The following TERT variants were observed in gnomAD, a reference collection of about 807,000 sequenced individuals.
TERT encodes the protein telomerase catalytic subunit.
A neutral mutation model predicts 104.0 loss-of-function variants in TERT; 42 were observed. The ratio of observed to expected loss-of-function variants is 0.40; its 90% CI spans 0.32 to 0.52. The LOEUF (loss-of-function observed/expected upper bound fraction) is 0.52, where lower values mean the gene tolerates loss of function less well. TERT is among the 20% of genes least tolerant of loss of function. The pLI, the probability that TERT is intolerant of heterozygous loss-of-function variation, is 0.43. For synonymous variants in TERT, 781 were observed against 725.6 expected (o/e 1.08, Z -1.23); for missense variants, 1,101 against 1,610.3 (o/e 0.68, Z 5.41).
intron 12 of TERT, among the ~76,000 whole-genome samples, chr5:1,259,396 C>T (rs1477853310): frequency 9.0e-6 from 1 of 110,960 alleles, no homozygotes; most frequent in Non-Finnish European, 1.8e-5. Context: ...GGAGTGGATG[C>T]GGACGCCCAC....
rs7730303 is a variant in TERT, at chr5:1,265,549, C to T, written c.2654+915G>A. ...CTCAGTTGCTTGGGACCTGGGCTCCCCCCGAGTGAATCTTAGTGGATTTAA... is the reference window on the plus strand; with the variant it reads ...CTCAGTTGCTTGGGACCTGGGCTCCTCCCGAGTGAATCTTAGTGGATTTAA... On this transcript the variant is annotated intron_variant, in intron 10 of 15. Coordinates refer to ENST00000310581, the MANE Select transcript of TERT (RefSeq NM_198253.3). The surrounding 1 kb of genome is among the most constrained non-coding windows in gnomAD (Gnocchi z 6.9). 0.072 allele frequency among the ~76,000 whole-genome samples: 10,981 copies of T among 152,028 alleles called. 1,338 individuals are homozygous for T. Among genetic ancestry groups the T allele is most frequent in the African/African-American group, 0.25 (10,419 of 41,384 alleles).
rs1030649955 is a variant in TERT, at chr5:1,274,043, C to G, written c.2287-1763G>C. Among the ~76,000 whole-genome samples, 2 of 152,200 alleles carry G rather than the reference C, an allele frequency of 1.3e-5. No homozygotes were observed. Among genetic ancestry groups the G allele is most frequent in the African/African-American group, 4.8e-5 (2 of 41,450 alleles). The stretch of plus-strand genomic sequence containing the variant: ...TACTACGGGACCTGCTAAGCCCCTG[C>G]GTCCCCAAGACAGGATGTGAGCAGG... On this transcript the variant is annotated intron_variant, in intron 6 of 15. Coordinates refer to ENST00000310581, the MANE Select transcript of TERT (RefSeq NM_198253.3). This position sits in a 1 kb window ranked among gnomAD's most constrained non-coding sequence, Gnocchi z 5.3.
intron 9 of TERT, among the ~76,000 whole-genome samples, chr5:1,267,218 A>C (rs1748672648): frequency 6.6e-6 from 1 of 152,268 alleles, no homozygotes; most frequent in Non-Finnish European, 1.5e-5. Flanking sequence ...GAGTTTCAAA[A>C]GATGCACAGG....
At position 1,294,373 on chromosome 5, in the gene TERT, G is replaced by A. The variant is rs890346822; in HGVS notation, c.513C>T (p.Cys171=). 1 of 1,576,788 alleles carries A rather than the reference G, an allele frequency of 6.3e-7. No homozygotes were observed. The highest frequency in any genetic ancestry group is 8.6e-7 in the Non-Finnish European group (1 of 1,169,372). ...CGCCGAGCTGGTACAGCGGCGGCCC[G>A]CACACCTGGTAGGCGCAGCTGGGAG... The part of the protein sequence containing the change: ...LVAPSCAYQV[C]GPPLYQLGAA... Residue 171 remains cysteine (C), a synonymous_variant, in exon 2 of 16, where the codon TGC becomes TGT. Coordinates refer to ENST00000310581, the MANE Select transcript of TERT (RefSeq NM_198253.3).
At chr5:1,291,528 C>A (rs1458916940) in intron 2 of TERT, among the ~76,000 whole-genome samples, 9 of 78,568 alleles carry the variant, frequency 1.1e-4, no homozygotes, top group African/African-American at 1.1e-4. Flanking sequence ...CAGTGCCTCA[C>A]TCACCCTACA....
In TERT at chr5:1,286,032, T is replaced by C. The variant is rs1296889925; in HGVS notation, c.1574-3408A>G. ...GGCGCCACACCGCAGGTTTGCGCGA[T>C]TTCAAACTCGACACCGCGGAGCCAC... is the stretch of plus-strand genomic sequence containing the variant. On this transcript the variant is annotated intron_variant, in intron 2 of 15. Coordinates refer to ENST00000310581, the MANE Select transcript of TERT (RefSeq NM_198253.3). The surrounding 1 kb of genome is among the most constrained non-coding windows in gnomAD (Gnocchi z 5.3). 6.6e-6 allele frequency among the ~76,000 whole-genome samples: 1 copy of C among 152,030 alleles called. No homozygotes were observed. Among genetic ancestry groups the C allele is most frequent in the Non-Finnish European group, 1.5e-5 (1 of 68,004 alleles).
rs537898055 is a variant in TERT at position 1,253,573 on chromosome 5, C to G, written c.*155G>C. 41 of 675,888 alleles carry G rather than the reference C, an allele frequency of 6.1e-5. 1 individual carries two copies. The highest frequency in any genetic ancestry group is 7.8e-4 in the Middle Eastern group (2 of 2,548). 41.9% of individuals were successfully genotyped at this position (675,888 alleles called of 1,614,324 possible). A position where few individuals can be genotyped will look rare whatever the true frequency, so the allele number is the denominator to read the frequency against. ...CCTCAGCCGGACACTCAGCCTTCAG[C>G]CGGACATGCAGGCCTCGGCCAAACA... On this transcript the variant is annotated 3_prime_UTR_variant, in exon 16 of 16. Transcript: ENST00000310581.
intron 3 of TERT, 135 bp downstream of exon 3, chr5:1,282,294 G>A: frequency 1.1e-6 from 1 of 896,570 alleles, no homozygotes; most frequent in African/African-American, 1.6e-5. Flanking sequence ...GACCAGGCCT[G>A]TGACGGGGCC....
intron 9 of TERT, among the ~76,000 whole-genome samples, chr5:1,267,098 T>C (rs34194491): frequency 0.016 from 2,508 of 152,334 alleles, 27 homozygotes; most frequent in Non-Finnish European, 0.027. Context: ...CCAGAGCAAG[T>C]TGTGTGTACA....
rs1014277310 is a variant in TERT at position 1,286,206 on chromosome 5, A to G, written c.1574-3582T>C. Among the ~76,000 whole-genome samples the G allele has an allele frequency of 2.6e-5, 4 of 152,136 alleles. No individual in the cohort carries two copies. Among genetic ancestry groups the G allele is most frequent in the Admixed American group, 2.0e-4 (3 of 15,270 alleles). On this transcript the variant is annotated intron_variant, in intron 2 of 15. Coordinates refer to ENST00000310581, the MANE Select transcript of TERT (RefSeq NM_198253.3). The surrounding 1 kb of genome is among the most constrained non-coding windows in gnomAD (Gnocchi z 5.3). ...CCTCCTCGTGAGTCTCCACATCTTC[A>G]TCTGTGCATCATAAGCAGAGGTCCC... is the stretch of plus-strand genomic sequence containing the variant.
chr5:1,258,871 C>A (rs904298924), intron 12 of TERT, among the ~76,000 whole-genome samples: 1 of 152,260 alleles, frequency 6.6e-6, no homozygotes, highest in Non-Finnish European at 1.5e-5. Context: ...CTGCCTGCCC[C>A]CGAGGCTCGG....
chr5:1,285,726 C>T (rs998281582), intron 2 of TERT, among the ~76,000 whole-genome samples: 4 of 151,884 alleles, frequency 2.6e-5, no homozygotes, highest in Middle Eastern at 3.4e-3. Flanking sequence ...CCCGCCACCA[C>T]GCCCAGCTAA....
rs1409944901 is a variant in TERT, at chr5:1,256,058, T to C, written c.3033-647A>G. On this transcript the variant is annotated intron_variant, in intron 13 of 15. Coordinates refer to ENST00000310581, the MANE Select transcript of TERT (RefSeq NM_198253.3). This position sits in a 1 kb window ranked among gnomAD's most constrained non-coding sequence, Gnocchi z 7.0. ...TGGGCTCTCACTCTGTCACCCAGGCTGCAGTACAGTGGTGCAATCTCAGCT... is the reference window on the plus strand; with the variant it reads ...TGGGCTCTCACTCTGTCACCCAGGCCGCAGTACAGTGGTGCAATCTCAGCT... Among the ~76,000 whole-genome samples the C allele has an allele frequency of 6.6e-6, 1 of 152,150 alleles. No homozygotes were observed. The highest frequency in any genetic ancestry group is 1.5e-5 in the Non-Finnish European group (1 of 68,028).
chr5:1,272,083 C>A, intron 7 of TERT, 102 bp downstream of exon 7: 1 of 1,011,938 alleles, frequency 9.9e-7, no homozygotes, highest in South Asian at 1.4e-5. Context: ...CCCCCACTGC[C>A]CCCCAGGGCC....
intron 10 of TERT, 144 bp downstream of exon 10, chr5:1,266,320 C>A: frequency 1.2e-6 from 1 of 826,466 alleles, no homozygotes. Context: ...CGGCCAAGCG[C>A]CTCTGCTCTT....
At chr5:1,285,743 T>A (rs1750439861) in intron 2 of TERT, among the ~76,000 whole-genome samples, 1 of 151,904 alleles carries the variant, frequency 6.6e-6, no homozygotes, top group South Asian at 2.1e-4. Flanking sequence ...CTAATTTTTG[T>A]GTTTTTAGTA....
intron 6 of TERT, among the ~76,000 whole-genome samples, chr5:1,275,400 A>G (rs1579570119): frequency 6.7e-6 from 1 of 148,720 alleles, no homozygotes; most frequent in Non-Finnish European, 1.5e-5. Flanking sequence ...AAGAAAGAAA[A>G]AAAGAAAGAA....
chr5:1,285,050 C>G (rs1277093608), intron 2 of TERT, among the ~76,000 whole-genome samples: 1 of 93,596 alleles, frequency 1.1e-5, no homozygotes, highest in East Asian at 3.9e-4. Context: ...TCCAGCTCAC[C>G]GAGGGCCTGG....
chr5:1,288,075 AAAG>A lies in TERT; in HGVS notation c.1573+5235_1573+5237del, dbSNP rs1199986245. 6.6e-6 allele frequency among the ~76,000 whole-genome samples: 1 copy of A among 152,194 alleles called. No homozygotes were observed. The highest frequency in any genetic ancestry group is 1.9e-4 in the East Asian group (1 of 5,202). ...ACAGTGTTCAAATAACTCACTGCTC[AAAG>A]AAATCACAGAATAAGCTAAAGAATA... On this transcript the variant is annotated intron_variant, in intron 2 of 15. Coordinates refer to ENST00000310581, the MANE Select transcript of TERT (RefSeq NM_198253.3). This position sits in a 1 kb window ranked among gnomAD's most constrained non-coding sequence, Gnocchi z 5.3.
Sources: gnomAD v4.1 joint callset for allele counts (sites outside exome capture counted in the v4.1 genomes callset) on GRCh38, gnomAD v4.1.1 for gene constraint, Gnocchi (gnomAD v3.1) non-coding constraint, MANE v1.5 for transcripts, NCBI Gene and HGNC (gene_info 2026-07-23, HGNC 2026-07-21) for gene names.